Variants in ZNF385B observed in about 807,000 individuals in gnomAD.
The protein encoded by ZNF385B is zinc finger protein 385B, also known as zinc finger protein 533.
A neutral mutation model predicts 39.2 loss-of-function variants in ZNF385B; 23 were observed. That is an observed-to-expected ratio of 0.59 (90% CI 0.42 to 0.83). The LOEUF (loss-of-function observed/expected upper bound fraction) is 0.83, where lower values mean the gene tolerates loss of function less well. Among genes scored for constraint, ZNF385B ranks in the 40% least tolerant of loss-of-function variants. ZNF385B has a pLI of 0.00. For synonymous variants in ZNF385B, 205 were observed against 222.6 expected (o/e 0.92, Z 0.70); for missense variants, 552 against 598.9 (o/e 0.92, Z 0.82).
rs182975205 is a variant in ZNF385B, at chr2:179,757,840, A to G, written c.298+11663T>C. Among the ~76,000 whole-genome samples, 333 of 152,106 alleles carry G rather than the reference A, an allele frequency of 2.2e-3. 4 individuals carry two copies. Among genetic ancestry groups the G allele is most frequent in the African/African-American group, 7.7e-3 (320 of 41,490 alleles). ...ACAGTATTAGGGTGGGAGTGACCCA[A>G]TTTTCCAGGTGCCATCTGTCACAGT... On this transcript the variant is annotated intron_variant, in intron 3 of 9. Coordinates refer to ENST00000410066, the MANE Select transcript of ZNF385B (RefSeq NM_152520.6).
At chr2:179,537,742 AAAACAAAC>A (rs975600820) in intron 4 of ZNF385B, among the ~76,000 whole-genome samples, 18 of 144,928 alleles carry the variant, frequency 1.2e-4, no homozygotes, top group Non-Finnish European at 2.0e-4. Context: ...CTCTGTCTCA[AAAACAAAC>A]AAACAAACAA....
intron 1 of ZNF385B, among the ~76,000 whole-genome samples, chr2:179,820,115 T>C (rs538923487): frequency 6.6e-6 from 1 of 152,168 alleles, no homozygotes; most frequent in Admixed American, 6.5e-5. Context: ...ACTACTCAAA[T>C]TTTTTTCATT....
At chr2:179,587,050 CAA>C (rs960668517) in intron 3 of ZNF385B, among the ~76,000 whole-genome samples, 1 of 151,762 alleles carries the variant, frequency 6.6e-6, no homozygotes, top group Non-Finnish European at 1.5e-5. Flanking sequence ...AAAAAACAAA[CAA>C]AAAAAATTAT....
At chr2:179,502,028 T>C (rs1282764217) in intron 5 of ZNF385B, among the ~76,000 whole-genome samples, 1 of 152,228 alleles carries the variant, frequency 6.6e-6, no homozygotes, top group East Asian at 1.9e-4. Flanking sequence ...TATACAAAAT[T>C]GGCATTAGAT....
intron 3 of ZNF385B, among the ~76,000 whole-genome samples, chr2:179,585,147 C>T (rs989676882): frequency 1.3e-5 from 2 of 152,086 alleles, no homozygotes. Flanking sequence ...GAGATACCTT[C>T]AAGACATTTG....
intron 3 of ZNF385B, among the ~76,000 whole-genome samples, chr2:179,636,238 G>A (rs1191540448): frequency 1.3e-5 from 2 of 152,180 alleles, no homozygotes; most frequent in East Asian, 1.9e-4. Context: ...AGGACTGGGT[G>A]CTGTAGAGTA....
At chr2:179,466,068 A>C (rs892590502) in intron 6 of ZNF385B, among the ~76,000 whole-genome samples, 1 of 152,190 alleles carries the variant, frequency 6.6e-6, no homozygotes, top group African/African-American at 2.4e-5. Flanking sequence ...TAGAACAGAC[A>C]CATAAATGCA....
At chr2:179,623,718 G>C (rs539810199) in intron 3 of ZNF385B, among the ~76,000 whole-genome samples, 5 of 152,214 alleles carry the variant, frequency 3.3e-5, no homozygotes, top group African/African-American at 1.2e-4. Context: ...CTACTTCCCT[G>C]CTTACCTTTG....
chr2:179,768,649 A>G (rs1703841483), intron 3 of ZNF385B, among the ~76,000 whole-genome samples: 1 of 152,190 alleles, frequency 6.6e-6, no homozygotes, highest in South Asian at 2.1e-4. Context: ...GAGGAGGCTT[A>G]TCTTGGCCTC....
At chr2:179,685,604 AT>A (rs2106333068) in intron 3 of ZNF385B, among the ~76,000 whole-genome samples, 1 of 152,300 alleles carries the variant, frequency 6.6e-6, no homozygotes, top group African/African-American at 2.4e-5. Context: ...AACTGCTATC[AT>A]CCTGACTGTA....
Position 179,456,276 on chromosome 2 carries a change from T to G in ZNF385B, c.716-9506A>C, listed in dbSNP as rs950726894. 3.3e-5 allele frequency among the ~76,000 whole-genome samples: 5 copies of G among 152,184 alleles called. No individual in the cohort carries two copies. In the South Asian group the frequency reaches 1.0e-3, roughly 32 times the overall value. ...TGAGCTTTTGATGCATATACCAAAT[T>G]GCCCTCCAGAATGGTCATACAAATG... is the stretch of plus-strand genomic sequence containing the variant. On this transcript the variant is annotated intron_variant, in intron 6 of 9. Transcript: ENST00000410066.
intron 3 of ZNF385B, among the ~76,000 whole-genome samples, chr2:179,761,238 T>C (rs1703365844): frequency 6.6e-6 from 1 of 152,180 alleles, no homozygotes; most frequent in Admixed American, 6.5e-5. Context: ...TCTGTGCTTT[T>C]TCATATAAAT....
At chr2:179,775,955 A>T (rs1035690890) in intron 1 of ZNF385B, among the ~76,000 whole-genome samples, 5 of 152,208 alleles carry the variant, frequency 3.3e-5, no homozygotes, top group African/African-American at 1.2e-4. Flanking sequence ...TTTGTTAGAT[A>T]CTGGGAGATG....
intron 1 of ZNF385B, among the ~76,000 whole-genome samples, chr2:179,777,773 T>TG (rs1232498777): frequency 1.3e-5 from 2 of 151,652 alleles, no homozygotes; most frequent in Non-Finnish European, 2.9e-5. Context: ...CAAGAGGTTT[T>TG]TTTTTTTTTT....
At chr2:179,640,615 A>G (rs1159827835) in intron 3 of ZNF385B, among the ~76,000 whole-genome samples, 1 of 152,194 alleles carries the variant, frequency 6.6e-6, no homozygotes. Flanking sequence ...AAAGAAAATT[A>G]TAATGGAAGC....
At chr2:179,690,728 T>C (rs1698292191) in intron 3 of ZNF385B, among the ~76,000 whole-genome samples, 1 of 152,208 alleles carries the variant, frequency 6.6e-6, no homozygotes, top group Admixed American at 6.5e-5. Flanking sequence ...AGTTTTCTCA[T>C]CTGAAATATG....
chr2:179,558,899 C>A (rs1156321410), intron 3 of ZNF385B, among the ~76,000 whole-genome samples: 1 of 152,088 alleles, frequency 6.6e-6, no homozygotes, highest in Non-Finnish European at 1.5e-5. Context: ...CTATGGAAAC[C>A]TGGTATGGGG....
intron 3 of ZNF385B, among the ~76,000 whole-genome samples, chr2:179,589,718 A>T (rs1173244322): frequency 6.6e-6 from 1 of 152,212 alleles, no homozygotes; most frequent in Admixed American, 6.5e-5. Context: ...CTCTATGATT[A>T]AAAGGAAAAA....
chr2:179,519,717 T>C lies in ZNF385B; in HGVS notation c.442-1079A>G, dbSNP rs370149107. ...AACAATGCAGATGATGAGCAAAACA[T>C]TACATAACAGATGTAATATGAATGA... On this transcript the variant is annotated intron_variant, in intron 4 of 9. Coordinates refer to ENST00000410066, the MANE Select transcript of ZNF385B (RefSeq NM_152520.6). Among the ~76,000 whole-genome samples the C allele has an allele frequency of 7.9e-5, 12 of 152,282 alleles. No homozygotes were observed. The East Asian group carries it at 2.3e-3, about 29-fold the overall frequency.
Sources: allele counts gnomAD v4.1 joint callset (sites outside exome capture counted in the v4.1 genomes callset), GRCh38; gene constraint gnomAD v4.1.1; transcripts MANE v1.5; gene names NCBI Gene and HGNC (gene_info 2026-07-23, HGNC 2026-07-21).